NSMAF: variants seen among roughly 807,000 people sequenced by gnomAD.
The protein encoded by NSMAF is neutral sphingomyelinase activation associated factor, also known as protein FAN.
In NSMAF, 90 loss-of-function variants were observed where a neutral mutation model predicts 134.9. The ratio of observed to expected loss-of-function variants is 0.67; its 90% CI spans 0.56 to 0.79. The LOEUF (loss-of-function observed/expected upper bound fraction) is 0.79. Ranked by LOEUF, NSMAF falls within the 30% of genes least tolerant of loss-of-function variation. The pLI, the probability that NSMAF is intolerant of heterozygous loss-of-function variation, is 0.00. For synonymous variants in NSMAF, 358 were observed against 389.6 expected (o/e 0.92, Z 0.96); for missense variants, 1,010 against 1,119.0 (o/e 0.90, Z 1.39).
chr8:58,626,041 A>G lies in NSMAF; in HGVS notation c.385-2261T>C, dbSNP rs529942651. Among the ~76,000 whole-genome samples, 45 of 148,292 alleles carry G rather than the reference A, an allele frequency of 3.0e-4. 2 individuals are homozygous for G. In the South Asian group the frequency reaches 8.9e-3, roughly 29 times the overall value. ...CCAATATGTAGTTTTTTTATCCGTC[A>G]TCACCACCCCCATCCTTCCCCCTAA... is the stretch of plus-strand genomic sequence containing the variant. On this transcript the variant is annotated intron_variant, in intron 6 of 30. Coordinates refer to ENST00000038176, the MANE Select transcript of NSMAF (RefSeq NM_003580.4).
chr8:58,655,997 T>C (rs966429118), intron 1 of NSMAF, among the ~76,000 whole-genome samples: 7 of 151,256 alleles, frequency 4.6e-5, no homozygotes, highest in Non-Finnish European at 1.0e-4. Flanking sequence ...AAAATCAATA[T>C]GGTTCCTGCT....
Position 58,659,326 on chromosome 8 carries a change from G to T in NSMAF, c.59+247C>A. ...CTCGGCATGCCTCGGCTCCGCGGTGGAATCTGGCCTGGCCCGTCATCCAGT... is the reference window on the plus strand; with the variant it reads ...CTCGGCATGCCTCGGCTCCGCGGTGTAATCTGGCCTGGCCCGTCATCCAGT... On this transcript the variant is annotated intron_variant, in intron 1 of 30. Coordinates refer to ENST00000038176, the MANE Select transcript of NSMAF (RefSeq NM_003580.4). The T allele has an allele frequency of 1.3e-6, 2 of 1,527,610 alleles. No individual in the cohort carries two copies. The highest frequency in any genetic ancestry group is 1.2e-5 in the South Asian group (1 of 82,836). The allele number at this position is 1,527,610 out of a possible 1,614,324, so 94.6% of individuals were successfully genotyped here.
intron 12 of NSMAF, among the ~76,000 whole-genome samples, chr8:58,604,389 T>C (rs1806354499): frequency 6.6e-6 from 1 of 151,612 alleles, no homozygotes; most frequent in South Asian, 2.1e-4. Flanking sequence ...CTTGTTATAG[T>C]TAAAAAAAAT....
intron 7 of NSMAF, 87 bp from the exon 8 acceptor site, chr8:58,623,511 T>G: frequency 7.4e-7 from 1 of 1,355,996 alleles, no homozygotes; most frequent in Non-Finnish European, 1.0e-6. Context: ...ACAGCAATCA[T>G]TCTGTTAACA....
chr8:58,627,092 G>A lies in NSMAF; in HGVS notation c.385-3312C>T, dbSNP rs117087142. On this transcript the variant is annotated intron_variant, in intron 6 of 30. Transcript: ENST00000038176. ...CTTGCTGATTTGTTTGAGGTTCCTC[G>A]TAGATTCTGGATGTTAGTCCTTTGC... is the stretch of plus-strand genomic sequence containing the variant. 6.4e-3 allele frequency among the ~76,000 whole-genome samples: 979 copies of A among 152,270 alleles called. 4 individuals carry two copies. Among genetic ancestry groups the A allele is most frequent in the Non-Finnish European group, 9.5e-3 (649 of 68,004 alleles).
At chr8:58,611,438 G>C (rs550503853) in intron 9 of NSMAF, among the ~76,000 whole-genome samples, 2 of 152,096 alleles carry the variant, frequency 1.3e-5, no homozygotes, top group East Asian at 3.9e-4. Flanking sequence ...TACTCAGGAC[G>C]CTGAGGATCA....
At chr8:58,652,723 T>C (rs575137993) in intron 1 of NSMAF, among the ~76,000 whole-genome samples, 1 of 152,348 alleles carries the variant, frequency 6.6e-6, no homozygotes, top group African/African-American at 2.4e-5. Context: ...GCAAGTCTGA[T>C]GCATATTCCC....
rs1807303944 is a variant in NSMAF at position 58,640,275 on chromosome 8, T to C, written c.149+2709A>G. On this transcript the variant is annotated intron_variant, in intron 2 of 30. Transcript: ENST00000038176. ...TGTGGTCAGCATTTCACAATGTGTA[T>C]GTATATCAAAACATCAAATTGTATA... Among the ~76,000 whole-genome samples the C allele has an allele frequency of 2.0e-5, 3 of 152,242 alleles. No homozygotes were observed. The South Asian group carries it at 6.2e-4, about 31-fold the overall frequency.
intron 6 of NSMAF, 34 bp downstream of exon 6, chr8:58,631,461 TA>T: frequency 1.5e-6 from 2 of 1,299,902 alleles, no homozygotes; most frequent in Non-Finnish European, 2.1e-6. Context: ...AATGACTATA[TA>T]AATTGCTGGA....
chr8:58,590,210 T>A (rs1585725218), intron 24 of NSMAF, 136 bp from the exon 25 acceptor site: 1 of 721,848 alleles, frequency 1.4e-6, no homozygotes, highest in Non-Finnish European at 2.3e-6. Context: ...TTACGCAGAT[T>A]TTCTCAACTG....
intron 1 of NSMAF, among the ~76,000 whole-genome samples, chr8:58,645,849 T>C (rs1807438722): frequency 6.6e-6 from 1 of 152,142 alleles, no homozygotes; most frequent in Non-Finnish European, 1.5e-5. Flanking sequence ...GAGACCAGCC[T>C]GGTCAACATG....
At chr8:58,650,523 T>A (rs1807560652) in intron 1 of NSMAF, among the ~76,000 whole-genome samples, 1 of 152,204 alleles carries the variant, frequency 6.6e-6, no homozygotes, top group Non-Finnish European at 1.5e-5. Flanking sequence ...ATCATTTGGA[T>A]TAGATGTTCT....
rs754504236 is a variant in NSMAF, at chr8:58,609,644, G to A, written c.647C>T (p.Thr216Met). Residue 216 changes from threonine (T) to methionine (M), a missense_variant, in exon 10 of 31, where the codon ACG (threonine) becomes ATG (methionine). Thr to Met is a moderately conservative substitution (Grantham distance 81). Transcript: ENST00000038176. ...GGGCTGAAAATACAGGTTTGTGTCC[G>A]TGATGCACACGTGTCCAGGATTAGT... ...LVTNPGHVCI[T>M]DTNLYFQPLN... 8.7e-6 allele frequency: 14 copies of A among 1,614,142 alleles called. No individual in the cohort carries two copies. Among genetic ancestry groups the A allele is most frequent in the East Asian group, 2.2e-5 (1 of 44,886 alleles).
intron 10 of NSMAF, among the ~76,000 whole-genome samples, chr8:58,608,097 A>G (rs1320333499): frequency 6.6e-6 from 1 of 152,218 alleles, no homozygotes; most frequent in East Asian, 1.9e-4. Flanking sequence ...TCTATCTTTC[A>G]GGGATATTTC....
rs760901092 is a variant in NSMAF, at chr8:58,607,810, C to T, written c.718G>A (p.Val240Ile). ...KPVVQITLQD[V>I]RRIYKRRHGL... Reference sequence around the variant, plus strand: ...TGCCTCCTTTTGTAGATGCGGCGGACATCTTGGAGTGTTATCTGGACCACA... The same window carrying T: ...TGCCTCCTTTTGTAGATGCGGCGGATATCTTGGAGTGTTATCTGGACCACA... Residue 240 changes from valine to isoleucine, a missense_variant, in exon 11 of 31, where the codon GTC (valine) becomes ATC (isoleucine). Coordinates refer to ENST00000038176, the MANE Select transcript of NSMAF (RefSeq NM_003580.4). The T allele has an allele frequency of 3.7e-6, 6 of 1,614,194 alleles. No homozygotes were observed. Among genetic ancestry groups the T allele is most frequent in the Non-Finnish European group, 5.1e-6 (6 of 1,180,010 alleles).
At chr8:58,638,306 A>G (rs1807249483) in intron 2 of NSMAF, among the ~76,000 whole-genome samples, 1 of 152,176 alleles carries the variant, frequency 6.6e-6, no homozygotes, top group South Asian at 2.1e-4. Flanking sequence ...CAGCCTCCTG[A>G]GTAGCTGGCA....
At position 58,603,256 on chromosome 8, in the gene NSMAF, G is replaced by C; in HGVS notation, c.999C>G (p.Tyr333Ter). Residue 333 changes from tyrosine to a stop codon, truncating the protein, a stop_gained, in exon 13 of 31, where the codon TAC becomes TAG. Transcript: ENST00000038176. LOFTEE classifies it high-confidence loss of function. ...CATGTATTATCCATGGAAACACAGG[G>C]TACTGGGAGAGGTCGTTGCAGCTGC... The part of the protein sequence containing the change: ...ADRSCNDLSQ[Y>*]PVFPWIIHDY... The C allele has an allele frequency of 1.2e-6, 2 of 1,614,198 alleles. No individual in the cohort carries two copies. Among genetic ancestry groups the C allele is most frequent in the Non-Finnish European group, 1.7e-6 (2 of 1,180,042 alleles).
At chr8:58,615,147 T>C (rs1473382160) in intron 9 of NSMAF, among the ~76,000 whole-genome samples, 1 of 152,108 alleles carries the variant, frequency 6.6e-6, no homozygotes, top group African/African-American at 2.4e-5. Flanking sequence ...AAGAAGACAT[T>C]ACGCATCTTA....
intron 6 of NSMAF, among the ~76,000 whole-genome samples, chr8:58,624,443 T>A (rs1806869247): frequency 6.6e-6 from 1 of 152,188 alleles, no homozygotes; most frequent in Non-Finnish European, 1.5e-5. Context: ...CTGCATCACC[T>A]AAGTTTTGGT....
Sources: gnomAD v4.1 joint callset for allele counts (sites outside exome capture counted in the v4.1 genomes callset) on GRCh38, gnomAD v4.1.1 for gene constraint, MANE v1.5 for transcripts, NCBI Gene and HGNC (gene_info 2026-07-23, HGNC 2026-07-21) for gene names.